The following USP3 variants were observed in gnomAD, a reference collection of about 807,000 sequenced individuals.
The protein encoded by USP3 is ubiquitin specific peptidase 3, also known as ubiquitin carboxyl-terminal hydrolase 3.
In USP3, 20 loss-of-function variants were observed where a neutral mutation model predicts 72.3. That is an observed-to-expected ratio of 0.28 (90% CI 0.19 to 0.40). The LOEUF (loss-of-function observed/expected upper bound fraction) is 0.40, where lower values mean the gene tolerates loss of function less well. Among genes scored for constraint, USP3 ranks in the 10% least tolerant of loss-of-function variants. The probability of loss-of-function intolerance (pLI) is 1.00; values close to 1 mark genes in which losing one functional copy is unlikely to be tolerated. For synonymous variants in USP3, 222 were observed against 225.3 expected (o/e 0.99, Z 0.13); for missense variants, 479 against 633.9 (o/e 0.76, Z 2.62).
chr15:63,524,259 T>C (rs1451072276), intron 1 of USP3, among the ~76,000 whole-genome samples: 1 of 152,224 alleles, frequency 6.6e-6, no homozygotes, highest in Admixed American at 6.5e-5. Flanking sequence ...GGGAGTAGTA[T>C]AGTCATTGGA....
intron 2 of USP3, among the ~76,000 whole-genome samples, chr15:63,536,506 T>C (rs565554633): frequency 1.3e-5 from 2 of 151,750 alleles, no homozygotes; most frequent in African/African-American, 2.4e-5. Flanking sequence ...TTATAAATAA[T>C]ATCTATGGTA....
intron 1 of USP3, among the ~76,000 whole-genome samples, chr15:63,524,377 A>C (rs2065953341): frequency 1.3e-5 from 2 of 152,186 alleles, no homozygotes; most frequent in South Asian, 4.1e-4. Flanking sequence ...GGTGTGGATG[A>C]TGCTGCATCA....
At position 63,574,253 on chromosome 15, in the gene USP3, T is replaced by C; in HGVS notation, c.1016-70T>C. ...AAAGAGAAATCTAGAAATACATCAGTTTGTGAAATTATTTTGAATGGACAT... is the reference window on the plus strand; with the variant it reads ...AAAGAGAAATCTAGAAATACATCAGCTTGTGAAATTATTTTGAATGGACAT... On this transcript the variant is annotated intron_variant, in intron 10 of 14. Coordinates refer to ENST00000380324, the MANE Select transcript of USP3 (RefSeq NM_006537.4). The surrounding 1 kb of genome is among the most constrained non-coding windows in gnomAD (Gnocchi z 4.6). 2.1e-6 allele frequency: 3 copies of C among 1,442,658 alleles called. No individual in the cohort carries two copies. Among genetic ancestry groups the C allele is most frequent in the Non-Finnish European group, 2.8e-6 (3 of 1,079,364 alleles). 89.4% of individuals were successfully genotyped at this position (1,442,658 alleles called of 1,614,324 possible).
intron 1 of USP3, among the ~76,000 whole-genome samples, chr15:63,513,498 G>C (rs539274963): frequency 1.9e-4 from 29 of 152,226 alleles, no homozygotes; most frequent in African/African-American, 6.7e-4. Context: ...TTCCACTTCA[G>C]CCTCCCAAGT....
At position 63,591,505 on chromosome 15, in the gene USP3, C is replaced by G. The variant is rs1196968706; in HGVS notation, c.*679C>G. 2 of 152,086 alleles carry G rather than the reference C, an allele frequency of 1.3e-5. No individual in the cohort carries two copies. Among genetic ancestry groups the G allele is most frequent in the Non-Finnish European group, 2.9e-5 (2 of 68,046 alleles). The allele number at this position is 152,086 out of a possible 1,614,324, so 9.4% of individuals were successfully genotyped here. A position where few individuals can be genotyped will look rare whatever the true frequency, so the allele number is the denominator to read the frequency against. ...TTGGTTTTTTTGGTTTTGGGGCATACTTGTTTGCGGGGAGGTAAGATGGGA... is the reference window on the plus strand; with the variant it reads ...TTGGTTTTTTTGGTTTTGGGGCATAGTTGTTTGCGGGGAGGTAAGATGGGA... On this transcript the variant is annotated 3_prime_UTR_variant, in exon 15 of 15. Coordinates refer to ENST00000380324, the MANE Select transcript of USP3 (RefSeq NM_006537.4).
intron 3 of USP3, among the ~76,000 whole-genome samples, chr15:63,539,256 A>G (rs560961428): frequency 3.3e-5 from 5 of 152,228 alleles, no homozygotes; most frequent in African/African-American, 9.6e-5. Flanking sequence ...TCTGTCTCAC[A>G]TTGTCATGGG....
chr15:63,508,012 G>C lies in USP3; in HGVS notation c.91+3182G>C, dbSNP rs77654177. Among the ~76,000 whole-genome samples the C allele has an allele frequency of 4.0e-3, 612 of 152,266 alleles. 7 individuals are homozygous for C. Among genetic ancestry groups the C allele is most frequent in the African/African-American group, 0.014 (588 of 41,552 alleles). ...TTGTAACTCTTTGTTCAGCTTTATA[G>C]AAGACAGCTGGATTCTTACATTGCT... On this transcript the variant is annotated intron_variant, in intron 1 of 14. Transcript: ENST00000380324.
At chr15:63,530,301 T>C in intron 1 of USP3, among the ~76,000 whole-genome samples, 1 of 143,498 alleles carries the variant, frequency 7.0e-6, no homozygotes, top group Non-Finnish European at 1.5e-5. Context: ...CTCCCTTCCT[T>C]CCTTCCTTCA....
At chr15:63,562,722 A>G (rs1049769728) in intron 7 of USP3, among the ~76,000 whole-genome samples, 173 bp from the exon 8 acceptor site, 15 of 152,216 alleles carry the variant, frequency 9.9e-5, no homozygotes, top group African/African-American at 3.6e-4. Flanking sequence ...AATTACTGCT[A>G]CTTTTATGGG....
At chr15:63,504,885 G>C in intron 1 of USP3, 55 bp downstream of exon 1, 1 of 1,421,394 alleles carries the variant, frequency 7.0e-7, no homozygotes, top group South Asian at 1.4e-5. Context: ...GGCTCTGCCG[G>C]GCCTGCCGTC....
At chr15:63,548,123 A>G (rs557292406) in intron 3 of USP3, among the ~76,000 whole-genome samples, 4 of 150,718 alleles carry the variant, frequency 2.7e-5, no homozygotes, top group Non-Finnish European at 4.4e-5. Context: ...AAAAATAAAT[A>G]TAGTTACAAA....
intron 2 of USP3, among the ~76,000 whole-genome samples, chr15:63,534,316 T>C (rs948914300): frequency 1.3e-5 from 2 of 152,222 alleles, no homozygotes; most frequent in Non-Finnish European, 2.9e-5. Context: ...AATTTTAGAC[T>C]GCTTGTCTTT....
intron 14 of USP3, among the ~76,000 whole-genome samples, chr15:63,589,851 C>G (rs937702437): frequency 3.9e-5 from 6 of 152,126 alleles, no homozygotes; most frequent in Non-Finnish European, 5.9e-5. Flanking sequence ...TGGGTTTCAT[C>G]TGTATCCAAA....
rs540160545 is a variant in USP3, at chr15:63,537,937, G to A, written c.284+781G>A. ...TGACCTCAGGTGATTTGCCTGCCTC[G>A]GCCTCCTAAAGTGCTGGGATTAACA... On this transcript the variant is annotated intron_variant, in intron 3 of 14. Coordinates refer to ENST00000380324, the MANE Select transcript of USP3 (RefSeq NM_006537.4). Among the ~76,000 whole-genome samples the A allele has an allele frequency of 2.6e-5, 4 of 151,440 alleles. No homozygotes were observed. In the South Asian group the frequency reaches 6.3e-4, roughly 24 times the overall value.
In USP3 at chr15:63,588,983, G is replaced by A. The variant is rs373472626; in HGVS notation, c.1369G>A (p.Ala457Thr). The change falls in exon 14 of 15, where the codon GCC (alanine) becomes ACC (threonine). Residue 457 changes from alanine to threonine, a missense_variant. Physicochemically the swap from Ala to Thr is moderately conservative, Grantham distance 58 (BLOSUM62 0). Transcript: ENST00000380324. The surrounding 1 kb of genome is among the most constrained non-coding windows in gnomAD (Gnocchi z 4.6). ...SGPESCLYDL[A>T]AVVVHHGSGV... ...CCCGGAGAGCTGCCTGTATGACCTC[G>A]CCGCTGTGGTGGTGCACCATGGTTC... 7.4e-6 allele frequency: 12 copies of A among 1,613,740 alleles called. No individual in the cohort carries two copies. The highest frequency in any genetic ancestry group is 2.2e-5 in the South Asian group (2 of 91,050).
At chr15:63,567,113 G>A (rs939560750) in intron 8 of USP3, among the ~76,000 whole-genome samples, 2 of 152,194 alleles carry the variant, frequency 1.3e-5, no homozygotes, top group Admixed American at 6.5e-5. Context: ...GTCCTTTTAT[G>A]TGCCTATATT....
chr15:63,539,694 G>A (rs970494112), intron 3 of USP3, among the ~76,000 whole-genome samples: 3 of 152,162 alleles, frequency 2.0e-5, no homozygotes, highest in African/African-American at 7.2e-5. Context: ...TTGGCCGATT[G>A]CCAGGCTTTT....
At chr15:63,539,465 A>G (rs2066209656) in intron 3 of USP3, among the ~76,000 whole-genome samples, 1 of 152,238 alleles carries the variant, frequency 6.6e-6, no homozygotes, top group Non-Finnish European at 1.5e-5. Flanking sequence ...AATTATCTTA[A>G]TGGAATGGAA....
intron 8 of USP3, among the ~76,000 whole-genome samples, chr15:63,567,991 T>C (rs1359035970): frequency 1.3e-5 from 2 of 152,152 alleles, no homozygotes; most frequent in African/African-American, 2.4e-5. Context: ...AGCATCCTCA[T>C]GACAGATTTA....
Sources: gnomAD v4.1 joint callset for allele counts (sites outside exome capture counted in the v4.1 genomes callset) on GRCh38, gnomAD v4.1.1 for gene constraint, Gnocchi (gnomAD v3.1) non-coding constraint, MANE v1.5 for transcripts, NCBI Gene and HGNC (gene_info 2026-07-23, HGNC 2026-07-21) for gene names.